STX18: variants seen among roughly 807,000 people sequenced by gnomAD.
STX18 encodes syntaxin-18.
A neutral mutation model predicts 50.1 loss-of-function variants in STX18; 40 were observed. The observed-to-expected ratio is 0.80, with a 90% CI of 0.62 to 1.04. The LOEUF is 1.04. Among genes scored for constraint, STX18 ranks in the 50% least tolerant of loss-of-function variants. STX18 has a pLI of 0.00. For missense variants in STX18, 410 were observed against 415.8 expected, an observed-to-expected ratio of 0.99 and a Z score of 0.12; for synonymous variants, 158 against 151.8, an observed-to-expected ratio of 1.04 and a Z score of -0.30.
Position 4,434,974 on chromosome 4 carries a change from A to G in STX18, c.614-116T>C, listed in dbSNP as rs375893120. ...AACAGAATCTTACAGCTTTGTCTAT[A>G]TATTTCATGATCTTTGGGCTAATAT... On this transcript the variant is annotated intron_variant, in intron 6 of 10. Coordinates refer to ENST00000306200, the MANE Select transcript of STX18 (RefSeq NM_016930.4). 8.9e-5 allele frequency: 61 copies of G among 686,756 alleles called. No homozygotes were observed. The East Asian group carries it at 1.6e-3, about 18-fold the overall frequency. The allele number at this position is 686,756 out of a possible 1,614,324, so 42.5% of individuals were successfully genotyped here. A position where few individuals can be genotyped will look rare whatever the true frequency, so the allele number is the denominator to read the frequency against.
chr4:4,422,010 C>T (rs1161263045), intron 9 of STX18, among the ~76,000 whole-genome samples: 1 of 152,102 alleles, frequency 6.6e-6, no homozygotes, highest in African/African-American at 2.4e-5. Context: ...TGCTTCCTAA[C>T]AGGGTCAGGG....
At chr4:4,491,209 G>A (rs1577370299) in intron 1 of STX18, among the ~76,000 whole-genome samples, 1 of 151,734 alleles carries the variant, frequency 6.6e-6, no homozygotes, top group East Asian at 1.9e-4. Context: ...GATCAGGCAT[G>A]TTTTAAACTA....
chr4:4,456,571 G>A (rs1461828720), intron 5 of STX18, among the ~76,000 whole-genome samples: 1 of 152,186 alleles, frequency 6.6e-6, no homozygotes, highest in African/African-American at 2.4e-5. Context: ...TACCCTGCTG[G>A]AGCGTCAGCG....
At chr4:4,503,022 T>A (rs1233776061) in intron 1 of STX18, among the ~76,000 whole-genome samples, 1 of 152,098 alleles carries the variant, frequency 6.6e-6, no homozygotes, top group Non-Finnish European at 1.5e-5. Flanking sequence ...CAACAGAGCC[T>A]CTCACAAGTC....
intron 1 of STX18, among the ~76,000 whole-genome samples, chr4:4,519,136 T>G (rs1055331915): frequency 3.3e-5 from 5 of 152,144 alleles, no homozygotes; most frequent in African/African-American, 1.2e-4. Flanking sequence ...AAACACATTA[T>G]TTTCTTGAAA....
chr4:4,443,752 G>A (rs1295034463), intron 5 of STX18, among the ~76,000 whole-genome samples: 1 of 152,076 alleles, frequency 6.6e-6, no homozygotes, highest in Middle Eastern at 3.2e-3. Context: ...ATCGATCAAT[G>A]TAATACACCC....
chr4:4,473,886 G>A (rs1404675211), intron 1 of STX18, among the ~76,000 whole-genome samples: 1 of 152,178 alleles, frequency 6.6e-6, no homozygotes, highest in Admixed American at 6.5e-5. Flanking sequence ...AGCTCTGCAT[G>A]CTGATTTGCC....
At chr4:4,441,074 GTGT>G (rs1726079322) in intron 5 of STX18, among the ~76,000 whole-genome samples, 1 of 152,218 alleles carries the variant, frequency 6.6e-6, no homozygotes, top group Non-Finnish European at 1.5e-5. Context: ...CTGCATGAGT[GTGT>G]TACTGGTGCA....
intron 9 of STX18, 66 bp downstream of exon 9, chr4:4,423,452 C>G (rs2108770155): frequency 6.6e-7 from 1 of 1,511,658 alleles, no homozygotes; most frequent in Non-Finnish European, 9.2e-7. Context: ...GGAAAAATGT[C>G]TCGTGCTCTC....
At chr4:4,445,262 C>T (rs745826388) in intron 5 of STX18, among the ~76,000 whole-genome samples, 11 of 151,792 alleles carry the variant, frequency 7.2e-5, no homozygotes, top group Non-Finnish European at 7.4e-5. Context: ...AAAAATCAGC[C>T]GGGCATGGTG....
intron 2 of STX18, among the ~76,000 whole-genome samples, chr4:4,460,369 T>TA (rs778697227): frequency 6.6e-6 from 1 of 152,300 alleles, no homozygotes; most frequent in Middle Eastern, 3.4e-3. Flanking sequence ...TGCTCCCTAG[T>TA]AAGTTCCTCC....
intron 2 of STX18, among the ~76,000 whole-genome samples, chr4:4,471,051 C>T (rs1004993196): frequency 2.0e-5 from 3 of 152,052 alleles, no homozygotes; most frequent in Non-Finnish European, 2.9e-5. Flanking sequence ...GCAAAAGTGC[C>T]GTAAGAAATG....
intron 2 of STX18, among the ~76,000 whole-genome samples, chr4:4,464,638 G>GT (rs1374386544): frequency 5.3e-5 from 8 of 152,174 alleles, no homozygotes; most frequent in Non-Finnish European, 1.0e-4. Context: ...CCTGTTTGCA[G>GT]TAGTTTCAAA....
intron 2 of STX18, 123 bp from the exon 3 acceptor site, chr4:4,459,610 G>A (rs887202323): frequency 7.0e-6 from 5 of 711,914 alleles, no homozygotes; most frequent in Non-Finnish European, 1.2e-5. Context: ...CTTGAAGGGT[G>A]AGGAGGAACA....
At chr4:4,498,821 C>T (rs1332697365) in intron 1 of STX18, among the ~76,000 whole-genome samples, 4 of 152,024 alleles carry the variant, frequency 2.6e-5, no homozygotes, top group African/African-American at 4.8e-5. Context: ...ATGTGGACAA[C>T]GAAAGAAACT....
At chr4:4,508,842 C>A (rs1229620984) in intron 1 of STX18, among the ~76,000 whole-genome samples, 1 of 152,180 alleles carries the variant, frequency 6.6e-6, no homozygotes, top group Admixed American at 6.5e-5. Context: ...TGTCAGTTTG[C>A]TGAGGATAAT....
intron 1 of STX18, among the ~76,000 whole-genome samples, chr4:4,483,799 G>A (rs182333039): frequency 4.2e-4 from 64 of 152,294 alleles, no homozygotes; most frequent in African/African-American, 1.3e-3. Flanking sequence ...GTCAGCTACT[G>A]TGATCTACTC....
chr4:4,458,597 A>C (rs1021632706), intron 3 of STX18, among the ~76,000 whole-genome samples: 1 of 152,254 alleles, frequency 6.6e-6, no homozygotes, highest in African/African-American at 2.4e-5. Flanking sequence ...AAATTAAAAA[A>C]GAATCAAGAA....
At chr4:4,507,777 A>G (rs1729790654) in intron 1 of STX18, 3 of 1,162,414 alleles carry the variant, frequency 2.6e-6, no homozygotes, top group Non-Finnish European at 2.5e-6. Flanking sequence ...CAGAGTTTCA[A>G]TTGTAAACAA....
Sources: allele counts gnomAD v4.1 joint callset (sites outside exome capture counted in the v4.1 genomes callset), GRCh38; gene constraint gnomAD v4.1.1; transcripts MANE v1.5; gene names NCBI Gene and HGNC (gene_info 2026-07-23, HGNC 2026-07-21).